The following CALD1 variants were observed in gnomAD, a reference collection of about 807,000 sequenced individuals.
CALD1 encodes caldesmon.
Under a neutral mutation model 99.9 loss-of-function variants are expected in CALD1, and 33 were observed. That is an observed-to-expected ratio of 0.33 (90% CI 0.25 to 0.44). The LOEUF (loss-of-function observed/expected upper bound fraction) is 0.44. Among genes scored for constraint, CALD1 ranks in the 20% least tolerant of loss-of-function variants. The pLI, the probability that CALD1 is intolerant of heterozygous loss-of-function variation, is 1.00. For synonymous variants in CALD1, 310 were observed against 325.0 expected (o/e 0.95, Z 0.50); for missense variants, 861 against 962.1 (o/e 0.89, Z 1.39).
intron 13 of CALD1, chr7:134,961,209 T>C (rs1808238527): frequency 6.6e-6 from 1 of 152,246 alleles, no homozygotes; most frequent in African/African-American, 2.4e-5. Context: ...TTTGAGAATC[T>C]AAAATTTTCT....
At chr7:134,957,590 T>C (rs1198493502) in intron 9 of CALD1, among the ~76,000 whole-genome samples, 1 of 152,136 alleles carries the variant, frequency 6.6e-6, no homozygotes. Context: ...CAGCTACTTT[T>C]TGTATTTTTT....
intron 3 of CALD1, among the ~76,000 whole-genome samples, chr7:134,888,741 G>A (rs1021990100): frequency 3.9e-5 from 6 of 152,168 alleles, no homozygotes; most frequent in African/African-American, 9.7e-5. Flanking sequence ...ACACCACTGG[G>A]TTTTACTATC....
At chr7:134,748,763 G>A (rs2131551301) in intron 1 of CALD1, among the ~76,000 whole-genome samples, 1 of 136,506 alleles carries the variant, frequency 7.3e-6, no homozygotes, top group South Asian at 2.2e-4. Context: ...TTTGGGTAGA[G>A]GCAAGGGTGA....
chr7:134,756,910 T>C (rs1796735069), intron 1 of CALD1, among the ~76,000 whole-genome samples: 1 of 152,234 alleles, frequency 6.6e-6, no homozygotes, highest in South Asian at 2.1e-4. Context: ...AATAAATATA[T>C]GCAGAATGAC....
At chr7:134,746,243 G>C (rs899321427) in intron 1 of CALD1, among the ~76,000 whole-genome samples, 2 of 152,156 alleles carry the variant, frequency 1.3e-5, no homozygotes, top group African/African-American at 4.8e-5. Context: ...CTCATGAATG[G>C]GAATGGGCTG....
rs375762947 is a variant in CALD1, at chr7:134,941,246, T to G, written c.1532+9T>G. The G allele has an allele frequency of 1.3e-6, 2 of 1,573,072 alleles. No individual in the cohort carries two copies. Among genetic ancestry groups the G allele is most frequent in the Admixed American group, 2.0e-5 (1 of 51,046 alleles). On this transcript the variant is annotated intron_variant, in intron 7 of 14. Transcript: ENST00000361675. ...ACTGAGAATACTTTCAGGTAAGAAG[T>G]AGCAACTAGTTAATAGAAACTGTGT...
intron 1 of CALD1, among the ~76,000 whole-genome samples, chr7:134,761,811 C>A (rs1764579574): frequency 6.6e-6 from 1 of 152,200 alleles, no homozygotes; most frequent in African/African-American, 2.4e-5. Context: ...ATGGGTGGCA[C>A]AACCCGTTGG....
chr7:134,841,399 A>G (rs1450600002), intron 1 of CALD1, among the ~76,000 whole-genome samples: 1 of 152,308 alleles, frequency 6.6e-6, no homozygotes, highest in East Asian at 1.9e-4. Context: ...ATTTTATTTT[A>G]ATTTCCATCC....
the CALD1 span, among the ~76,000 whole-genome samples, chr7:134,738,315 A>G: frequency 6.6e-6 from 1 of 152,186 alleles, no homozygotes; most frequent in Non-Finnish European, 1.5e-5. Context: ...TTTTGCATAA[A>G]AAATTGTTTT....
intron 3 of CALD1, among the ~76,000 whole-genome samples, chr7:134,924,244 G>C (rs1367452638): frequency 1.3e-5 from 2 of 152,048 alleles, no homozygotes; most frequent in African/African-American, 2.4e-5. Context: ...GTTCAAATCT[G>C]GGTTTGCATG....
chr7:134,842,989 G>A (rs978572070), intron 1 of CALD1, among the ~76,000 whole-genome samples: 7 of 152,200 alleles, frequency 4.6e-5, no homozygotes, highest in African/African-American at 1.7e-4. Flanking sequence ...CGAGGAGATG[G>A]TTAAATCAAA....
In CALD1 at chr7:134,850,546, T is replaced by C. The variant is rs138477223; in HGVS notation, c.-42+6575T>C. Among the ~76,000 whole-genome samples the C allele has an allele frequency of 3.3e-5, 5 of 152,316 alleles. No homozygotes were observed. In the East Asian group the frequency reaches 9.6e-4, roughly 29 times the overall value. On this transcript the variant is annotated intron_variant, in intron 2 of 14. Coordinates refer to ENST00000361675, the MANE Select transcript of CALD1 (RefSeq NM_033138.4). ...GATATTATCACAGTTCTTAGAACTG[T>C]GCTTGGTACATAGTAAGTGCTACAT...
chr7:134,909,189 T>C (rs1473826494), intron 3 of CALD1, among the ~76,000 whole-genome samples: 1 of 152,242 alleles, frequency 6.6e-6, no homozygotes, highest in Non-Finnish European at 1.5e-5. Context: ...AAGGATAGGA[T>C]GATATGATCG....
intron 9 of CALD1, among the ~76,000 whole-genome samples, chr7:134,957,101 G>C (rs1200126504): frequency 6.6e-6 from 1 of 152,076 alleles, no homozygotes; most frequent in Non-Finnish European, 1.5e-5. Context: ...GCTAAGAGGG[G>C]CTTCATGGGA....
chr7:134,924,508 T>C (rs937708735), intron 3 of CALD1, among the ~76,000 whole-genome samples: 3 of 152,098 alleles, frequency 2.0e-5, no homozygotes, highest in African/African-American at 4.8e-5. Context: ...AGCCTCAGAG[T>C]TGAAGAATTT....
chr7:134,945,764 G>C (rs1206535672), intron 7 of CALD1, among the ~76,000 whole-genome samples: 27 of 152,174 alleles, frequency 1.8e-4, no homozygotes, highest in Non-Finnish European at 5.9e-5. Context: ...GGGTCAAAGA[G>C]CATAGAAAAT....
intron 1 of CALD1, among the ~76,000 whole-genome samples, chr7:134,814,936 A>T (rs921009975): frequency 6.6e-6 from 1 of 152,150 alleles, no homozygotes; most frequent in African/African-American, 2.4e-5. Flanking sequence ...ATCACGTGAC[A>T]TCTAGGTTCC....
At chr7:134,820,633 C>T (rs1177282461) in intron 1 of CALD1, among the ~76,000 whole-genome samples, 4 of 152,178 alleles carry the variant, frequency 2.6e-5, no homozygotes, top group African/African-American at 7.2e-5. Flanking sequence ...TGAAGGACTA[C>T]CTTGCACCTT....
Position 134,941,155 on chromosome 7 carries a change from C to G in CALD1, c.1450C>G (p.Arg484Gly). 1.9e-6 allele frequency: 3 copies of G among 1,612,338 alleles called. No homozygotes were observed. The highest frequency in any genetic ancestry group is 2.5e-6 in the Non-Finnish European group (3 of 1,178,956). Residue 484 changes from arginine to glycine, a missense_variant, in exon 7 of 15, where the codon CGA becomes GGA. Coordinates refer to ENST00000361675, the MANE Select transcript of CALD1 (RefSeq NM_033138.4). ...AGAAGAAGTTAAGAGCTTCATGGAT[C>G]GAAAGAAGGGATTTACAGAAGTTAA... is the stretch of plus-strand genomic sequence containing the variant. The part of the protein sequence containing the change: ...PKEEVKSFMD[R>G]KKGFTEVKSQ...
Sources: gnomAD v4.1 joint callset for allele counts (sites outside exome capture counted in the v4.1 genomes callset) on GRCh38, gnomAD v4.1.1 for gene constraint, MANE v1.5 for transcripts, NCBI Gene and HGNC (gene_info 2026-07-23, HGNC 2026-07-21) for gene names.